The following ANK3 variants were observed in gnomAD, a reference collection of about 807,000 sequenced individuals.
ANK3 encodes the protein ankyrin-3.
ANK3 carries 57 observed loss-of-function variants against 370.9 expected under a neutral mutation model. That is an observed-to-expected ratio of 0.15 (90% CI 0.12 to 0.19). The LOEUF (loss-of-function observed/expected upper bound fraction) is 0.19, where lower values mean the gene tolerates loss of function less well. Among genes scored for constraint, ANK3 ranks in the 10% least tolerant of loss-of-function variants. ANK3 has a pLI of 1.00. For missense variants in ANK3, 4,439 were observed against 5,302.1 expected, an observed-to-expected ratio of 0.84 and a Z score of 5.06; for synonymous variants, 1,929 against 1,946.3, an observed-to-expected ratio of 0.99 and a Z score of 0.23.
intron 4 of ANK3, among the ~76,000 whole-genome samples, chr10:60,276,167 C>CA (rs1566179951): frequency 6.6e-6 from 1 of 152,016 alleles, no homozygotes; most frequent in Non-Finnish European, 1.5e-5. Flanking sequence ...TGATATTGCC[C>CA]AATGTCATTT....
At chr10:60,402,008 T>C (rs1174018171) in intron 2 of ANK3, among the ~76,000 whole-genome samples, 2 of 152,228 alleles carry the variant, frequency 1.3e-5, no homozygotes, top group African/African-American at 4.8e-5. Context: ...AAGAATTTTC[T>C]GTGACAGTTG....
chr10:60,620,703 G>T (rs541409015), intron 1 of ANK3, among the ~76,000 whole-genome samples: 3 of 152,258 alleles, frequency 2.0e-5, no homozygotes, highest in Non-Finnish European at 2.9e-5. Flanking sequence ...CATTAGTTGT[G>T]TTATTGCTTT....
intron 16 of ANK3, among the ~76,000 whole-genome samples, chr10:60,195,073 T>C (rs1185502881): frequency 6.6e-6 from 1 of 151,998 alleles, no homozygotes; most frequent in African/African-American, 2.4e-5. Flanking sequence ...CCAACATGGA[T>C]TAGCAAATCA....
At chr10:60,438,821 C>G (rs1367905222) in intron 2 of ANK3, among the ~76,000 whole-genome samples, 2 of 152,174 alleles carry the variant, frequency 1.3e-5, no homozygotes, top group African/African-American at 4.8e-5. Context: ...TTCTGATTCC[C>G]TCAAGAGCAG....
At chr10:60,544,130 G>A (rs189745573) in intron 2 of ANK3, among the ~76,000 whole-genome samples, 116 of 152,158 alleles carry the variant, frequency 7.6e-4, no homozygotes, top group African/African-American at 2.7e-3. Flanking sequence ...AAAATGTACT[G>A]TATAGAAAAC....
intron 5 of ANK3, among the ~76,000 whole-genome samples, chr10:60,264,527 C>T (rs2097851334): frequency 6.6e-6 from 1 of 151,392 alleles, no homozygotes; most frequent in South Asian, 2.1e-4. Context: ...CCTGTAGTCT[C>T]AGCTATTTGG....
chr10:60,554,660 A>G (rs914227819), intron 2 of ANK3, among the ~76,000 whole-genome samples: 6 of 152,212 alleles, frequency 3.9e-5, no homozygotes, highest in Admixed American at 3.9e-4. Context: ...TTCATGTGTC[A>G]AGGTGCATTC....
At chr10:60,684,821 A>G in intron 1 of ANK3, 2 of 1,530,896 alleles carry the variant, frequency 1.3e-6, no homozygotes, top group South Asian at 1.2e-5. Context: ...GTTGATATCG[A>G]AAGGATGGAA....
At chr10:60,256,951 G>A (rs1042353019) in intron 7 of ANK3, among the ~76,000 whole-genome samples, 1 of 152,098 alleles carries the variant, frequency 6.6e-6, no homozygotes, top group Non-Finnish European at 1.5e-5. Flanking sequence ...CGTATTTTTT[G>A]GCAAGACAAT....
At chr10:60,551,226 G>C (rs1177946513) in intron 2 of ANK3, among the ~76,000 whole-genome samples, 1 of 151,962 alleles carries the variant, frequency 6.6e-6, no homozygotes, top group Non-Finnish European at 1.5e-5. Flanking sequence ...AAAATGAAAA[G>C]GCATGGTCAA....
chr10:60,500,301 G>T (rs1464379878), intron 2 of ANK3, among the ~76,000 whole-genome samples: 1 of 152,080 alleles, frequency 6.6e-6, no homozygotes. Context: ...CTAGGAAGGG[G>T]TAACACTTTA....
At chr10:60,703,645 A>G (rs1046053999) in intron 1 of ANK3, among the ~76,000 whole-genome samples, 2 of 152,200 alleles carry the variant, frequency 1.3e-5, no homozygotes, top group African/African-American at 4.8e-5. Flanking sequence ...ATACATTTTT[A>G]TTATGAAGTA....
At chr10:60,609,905 C>T (rs1187410643) in intron 2 of ANK3, among the ~76,000 whole-genome samples, 1 of 151,904 alleles carries the variant, frequency 6.6e-6, no homozygotes, top group East Asian at 1.9e-4. Flanking sequence ...TATTAGAAAA[C>T]AATTATACAG....
At chr10:60,438,404 T>C (rs1009570131) in intron 2 of ANK3, among the ~76,000 whole-genome samples, 2 of 152,128 alleles carry the variant, frequency 1.3e-5, no homozygotes, top group Non-Finnish European at 2.9e-5. Flanking sequence ...GAAGCTTCTA[T>C]GAAAATTTAC....
intron 25 of ANK3, among the ~76,000 whole-genome samples, chr10:60,121,736 C>A (rs1181262121): frequency 6.7e-6 from 1 of 149,766 alleles, no homozygotes; most frequent in Non-Finnish European, 1.5e-5. Context: ...GGTAGTACAA[C>A]AGAGTGACTA....
intron 1 of ANK3, among the ~76,000 whole-genome samples, chr10:60,369,240 G>T (rs1221526152): frequency 6.6e-6 from 1 of 152,204 alleles, no homozygotes. Context: ...AAAGCTGAAG[G>T]ATTCCTTGTG....
At chr10:60,110,478 C>T (rs78417272) in intron 26 of ANK3, among the ~76,000 whole-genome samples, 7,133 of 152,032 alleles carry the variant, frequency 0.047, 208 homozygotes, top group Non-Finnish European at 0.058. Flanking sequence ...GGGACCACTA[C>T]GATAATCAAG....
chr10:60,100,234 G>GTT (rs3045340), intron 28 of ANK3, among the ~76,000 whole-genome samples: 2,235 of 57,764 alleles, frequency 0.039, 235 homozygotes, highest in Non-Finnish European at 0.05. Context: ...TTTTGCTATG[G>GTT]TTTTTTTTTT....
chr10:60,194,178 AAAATG>A (rs552732538), intron 16 of ANK3, among the ~76,000 whole-genome samples: 43 of 152,362 alleles, frequency 2.8e-4, no homozygotes, highest in African/African-American at 9.6e-4. Flanking sequence ...CACAGAGGTA[AAAATG>A]AAATGAAATA....
Sources: allele counts gnomAD v4.1 joint callset (sites outside exome capture counted in the v4.1 genomes callset), GRCh38; gene constraint gnomAD v4.1.1; transcripts MANE v1.5; gene names NCBI Gene and HGNC (gene_info 2026-07-23, HGNC 2026-07-21).